Variants in NRXN1 observed in about 807,000 individuals in gnomAD.
NRXN1 encodes neurexin 1.
In NRXN1, 39 loss-of-function variants were observed where a neutral mutation model predicts 150.9. The ratio of observed to expected loss-of-function variants is 0.26; its 90% confidence interval spans 0.20 to 0.34. The LOEUF is 0.34. NRXN1 is among the 10% of genes least tolerant of loss of function. NRXN1 has a pLI of 1.00. For missense variants in NRXN1, 1,815 were observed against 1,949.9 expected, an observed-to-expected ratio of 0.93 and a Z score of 1.30; for synonymous variants, 924 against 757.0, an observed-to-expected ratio of 1.22 and a Z score of -3.62.
At chr2:50,997,832 T>A (rs1699524368) in intron 2 of NRXN1, among the ~76,000 whole-genome samples, 1 of 141,916 alleles carries the variant, frequency 7.0e-6, no homozygotes, top group Non-Finnish European at 1.5e-5. Context: ...ACAATTTAAT[T>A]TGGAACAATT....
rs192057187 is a variant in NRXN1, at chr2:50,076,844, C to T, written c.3718+14479G>A. 1.5e-4 allele frequency among the ~76,000 whole-genome samples: 23 copies of T among 152,290 alleles called. No individual in the cohort carries two copies. In the East Asian group the frequency reaches 3.5e-3, roughly 23 times the overall value. ...ACAAAGGACCCCTAAACAGCCCTTACAGATCTGAATAGAAGAAGTAATAAC... is the reference window on the plus strand; with the variant it reads ...ACAAAGGACCCCTAAACAGCCCTTATAGATCTGAATAGAAGAAGTAATAAC... On this transcript the variant is annotated intron_variant, in intron 19 of 22. Coordinates refer to ENST00000401669, the MANE Select transcript of NRXN1 (RefSeq NM_001330078.2).
chr2:49,987,199 T>C (rs1434754842), intron 21 of NRXN1, among the ~76,000 whole-genome samples: 3 of 152,118 alleles, frequency 2.0e-5, no homozygotes, highest in Non-Finnish European at 4.4e-5. Flanking sequence ...TTTCCCAGCC[T>C]ACAATTCTGC....
Position 50,620,028 on chromosome 2 carries a change from G to A in NRXN1, c.1314C>T (p.Leu438=). The A allele has an allele frequency of 1.3e-6, 2 of 1,597,902 alleles. No individual in the cohort carries two copies. Among genetic ancestry groups the A allele is most frequent in the Non-Finnish European group, 1.7e-6 (2 of 1,171,224 alleles). The part of the protein sequence containing the change: ...SPVSNNFMGC[L]KEVVYKNNDV... ...TGATGGCAACGATATTTACCTCTTT[G>A]AGACAGCCCATAAAGTTGTTACTGA... The change falls in exon 8 of 23, where the codon CTC becomes CTT. Residue 438 remains leucine (L), a synonymous_variant. Coordinates refer to ENST00000401669, the MANE Select transcript of NRXN1 (RefSeq NM_001330078.2).
intron 5 of NRXN1, among the ~76,000 whole-genome samples, chr2:50,701,006 G>A (rs994468251): frequency 5.3e-5 from 8 of 151,916 alleles, no homozygotes; most frequent in Non-Finnish European, 7.4e-5. Flanking sequence ...TGTCCGAAGG[G>A]TGCTTCTTCC....
intron 8 of NRXN1, among the ~76,000 whole-genome samples, chr2:50,553,451 T>C (rs1667807921): frequency 6.6e-6 from 1 of 152,226 alleles, no homozygotes; most frequent in African/African-American, 2.4e-5. Context: ...ATTAAAGCAT[T>C]TGAAATTGGA....
intron 5 of NRXN1, among the ~76,000 whole-genome samples, chr2:50,757,402 G>A (rs2105361393): frequency 6.6e-6 from 1 of 151,784 alleles, no homozygotes; most frequent in East Asian, 2.0e-4. Context: ...TGGCATGAGT[G>A]AATAACTCAA....
chr2:50,207,943 C>T (rs780131042), intron 18 of NRXN1, among the ~76,000 whole-genome samples: 1 of 152,066 alleles, frequency 6.6e-6, no homozygotes, highest in Non-Finnish European at 1.5e-5. Context: ...TGAAGACCTG[C>T]TTTTCCCCTT....
chr2:50,019,541 G>C (rs12233061), intron 21 of NRXN1, among the ~76,000 whole-genome samples: 102,130 of 147,514 alleles, frequency 0.69, 35,535 homozygotes, highest in Middle Eastern at 0.75. Context: ...CACTCGGGAG[G>C]CTGAGGCAGA....
chr2:50,968,040 T>A (rs1694380050), intron 2 of NRXN1, among the ~76,000 whole-genome samples: 1 of 152,042 alleles, frequency 6.6e-6, no homozygotes. Context: ...AGGACTAGAT[T>A]AGAAATTTAT....
intron 16 of NRXN1, among the ~76,000 whole-genome samples, chr2:50,469,707 G>A (rs1051108510): frequency 6.6e-6 from 1 of 151,088 alleles, no homozygotes; most frequent in African/African-American, 2.4e-5. Flanking sequence ...TGTTCACCTT[G>A]ATGTTGGAAT....
intron 5 of NRXN1, among the ~76,000 whole-genome samples, chr2:50,674,426 C>A (rs1328664179): frequency 1.3e-5 from 2 of 152,058 alleles, no homozygotes; most frequent in Non-Finnish European, 2.9e-5. Context: ...GGCCTTCTCT[C>A]CATTCATTCT....
chr2:50,633,472 G>A (rs946261205), intron 5 of NRXN1, among the ~76,000 whole-genome samples: 2 of 151,832 alleles, frequency 1.3e-5, no homozygotes, highest in Non-Finnish European at 2.9e-5. Context: ...CCATCCATTC[G>A]TGTGCTTCAT....
At chr2:50,880,349 G>A (rs13384511) in intron 5 of NRXN1, among the ~76,000 whole-genome samples, 78,857 of 151,816 alleles carry the variant, frequency 0.52, 22,537 homozygotes, top group Non-Finnish European at 0.66. Flanking sequence ...CCAAGACAAT[G>A]TTACATTTCT....
chr2:50,388,571 C>T (rs2081477236), intron 17 of NRXN1, among the ~76,000 whole-genome samples: 1 of 152,132 alleles, frequency 6.6e-6, no homozygotes, highest in Non-Finnish European at 1.5e-5. Flanking sequence ...TGCTTCTCAG[C>T]AGGAAGTTGG....
intron 17 of NRXN1, among the ~76,000 whole-genome samples, chr2:50,398,422 T>C (rs2082181444): frequency 6.6e-6 from 1 of 151,938 alleles, no homozygotes; most frequent in Non-Finnish European, 1.5e-5. Flanking sequence ...GGAATCCTAC[T>C]CAAATAATAA....
chr2:50,053,318 T>C lies in NRXN1; in HGVS notation c.4081A>G (p.Ser1361Gly), dbSNP rs1328371825. The change falls in exon 21 of 23, where the codon AGC (serine) becomes GGC (glycine). Residue 1361 changes from serine to glycine, a missense_variant. Around this residue, in one of 6 missense-constraint regions of NRXN1, gnomAD observed 265 missense variants for 307.1 expected, o/e 0.86. Coordinates refer to ENST00000401669, the MANE Select transcript of NRXN1 (RefSeq NM_001330078.2). ...GGGGGCTTTCCTCTTCTGGCTGTGC[T>C]AGTAGCCAGGGTCGTGGTAGTCTCC... ...IMETTTTLAT[S>G]TARRGKPPTK... The C allele has an allele frequency of 2.5e-6, 4 of 1,614,060 alleles. No individual in the cohort carries two copies. Among genetic ancestry groups the C allele is most frequent in the East Asian group, 4.5e-5 (2 of 44,884 alleles).
chr2:50,869,265 T>C (rs1354234162), intron 5 of NRXN1, among the ~76,000 whole-genome samples: 1 of 151,760 alleles, frequency 6.6e-6, no homozygotes, highest in Non-Finnish European at 1.5e-5. Flanking sequence ...AATTCTCTTA[T>C]TCAAAGTTAA....
At chr2:50,592,754 G>T (rs777796374) in intron 8 of NRXN1, among the ~76,000 whole-genome samples, 4 of 152,140 alleles carry the variant, frequency 2.6e-5, no homozygotes, top group Non-Finnish European at 5.9e-5. Context: ...CTAGTTCAGG[G>T]GAAAAGATGC....
In NRXN1 at chr2:49,929,439, T is replaced by C. The variant is rs1391258104; in HGVS notation, c.4217-7188A>G. On this transcript the variant is annotated intron_variant, in intron 22 of 22. Coordinates refer to ENST00000401669, the MANE Select transcript of NRXN1 (RefSeq NM_001330078.2). ...CTATAAGCTTCATAGACTTTTTACA[T>C]AGTCATTGTATCCTTGTGGTTTGCA... Among the ~76,000 whole-genome samples the C allele has an allele frequency of 2.6e-5, 4 of 152,190 alleles. No homozygotes were observed. The East Asian group carries it at 7.7e-4, about 29-fold the overall frequency.
Sources: gnomAD v4.1 joint callset for allele counts (sites outside exome capture counted in the v4.1 genomes callset) on GRCh38, gnomAD v4.1.1 for gene constraint, gnomAD v4.1.1 regional missense constraint, MANE v1.5 for transcripts, NCBI Gene and HGNC (gene_info 2026-07-23, HGNC 2026-07-21) for gene names.